The following GAN variants were observed in gnomAD, a reference collection of about 807,000 sequenced individuals.
GAN encodes the protein gigaxonin.
A neutral mutation model predicts 71.3 loss-of-function variants in GAN; 48 were observed. The observed-to-expected ratio is 0.67, with a 90% CI of 0.53 to 0.86. The LOEUF (loss-of-function observed/expected upper bound fraction) is 0.86. Among genes scored for constraint, GAN ranks in the 40% least tolerant of loss-of-function variants. The pLI, the probability that GAN is intolerant of heterozygous loss-of-function variation, is 0.00. For missense variants in GAN, 928 were observed against 770.1 expected (o/e 1.21, Z -2.43); for synonymous variants, 386 against 276.8 (o/e 1.39, Z -3.92).
intron 9 of GAN, among the ~76,000 whole-genome samples, chr16:81,366,364 C>G (rs954410373): frequency 6.6e-6 from 1 of 152,218 alleles, no homozygotes; most frequent in Non-Finnish European, 1.5e-5. Context: ...CCACGTATGT[C>G]TTGTAGGGTA....
At chr16:81,346,368 A>G (rs569116243) in intron 1 of GAN, among the ~76,000 whole-genome samples, 107 of 152,284 alleles carry the variant, frequency 7.0e-4, no homozygotes, top group Admixed American at 2.2e-3. Flanking sequence ...CTTGTTGGAA[A>G]TCTGTCTTCT....
rs1247782225 is a variant in GAN at position 81,381,818 on chromosome 16, T to C, written c.*4222T>C. 6.6e-6 allele frequency: 1 copy of C among 152,206 alleles called. No individual in the cohort carries two copies. The highest frequency in any genetic ancestry group is 1.9e-4 in the East Asian group (1 of 5,194). 9.4% of individuals were successfully genotyped at this position (152,206 alleles called of 1,614,324 possible). ...AAGGGCACTCCAAGAGTGACTGATT[T>C]TACTGGGTTTTCAGTGAGAAACTTT... is the stretch of plus-strand genomic sequence containing the variant. On this transcript the variant is annotated 3_prime_UTR_variant, in exon 11 of 11. Transcript: ENST00000648994.
At position 81,315,026 on chromosome 16, in the gene GAN, G is replaced by A. The variant is rs1567475633; in HGVS notation, c.-88G>A. 1 of 1,138,702 alleles carries A rather than the reference G, an allele frequency of 8.8e-7. No individual in the cohort carries two copies. The highest frequency in any genetic ancestry group is 2.2e-5 in the South Asian group (1 of 46,468). The allele number at this position is 1,138,702 out of a possible 1,614,324, so 70.5% of individuals were successfully genotyped here. A position where few individuals can be genotyped will look rare whatever the true frequency, so the allele number is the denominator to read the frequency against. On this transcript the variant is annotated 5_prime_UTR_variant, in exon 1 of 11. Transcript: ENST00000648994. ...CAGAGCGCGGAGAGCCGGGCCGGGC[G>A]GGCGCGCGCGCAGGACTCGGGCCGC...
At chr16:81,367,123 T>TG (rs1910885252) in intron 9 of GAN, among the ~76,000 whole-genome samples, 2 of 152,196 alleles carry the variant, frequency 1.3e-5, no homozygotes, top group Non-Finnish European at 2.9e-5. Flanking sequence ...GCACCTGGCC[T>TG]ATCAGGTTGT....
In GAN at chr16:81,319,887, C is replaced by G. The variant is rs528321844; in HGVS notation, c.167+4607C>G. ...CCCTTTAAGTCTAAGTTATGTAGCT[C>G]TATGCTATTTTTGTTTTGCCTCATG... On this transcript the variant is annotated intron_variant, in intron 1 of 10. Coordinates refer to ENST00000648994, the MANE Select transcript of GAN (RefSeq NM_022041.4). Among the ~76,000 whole-genome samples, 7 of 152,116 alleles carry G rather than the reference C, an allele frequency of 4.6e-5. No individual in the cohort carries two copies. The East Asian group carries it at 1.2e-3, about 25-fold the overall frequency.
Position 81,377,560 on chromosome 16 carries a change from G to C in GAN, c.1758G>C (p.Gln586His). 8 of 1,614,204 alleles carry C rather than the reference G, an allele frequency of 5.0e-6. No individual in the cohort carries two copies. Among genetic ancestry groups the C allele is most frequent in the Non-Finnish European group, 6.8e-6 (8 of 1,180,026 alleles). The change falls in exon 11 of 11, where the codon CAG (glutamine) becomes CAC (histidine). Residue 586 changes from glutamine (Q) to histidine (H), a missense_variant. Gln to His is a conservative substitution (Grantham distance 24, BLOSUM62 0). Coordinates refer to ENST00000648994, the MANE Select transcript of GAN (RefSeq NM_022041.4). ...ANCKLFRLQLQQGLFRIRVHS... is the reference protein window; with the variant it reads ...ANCKLFRLQLHQGLFRIRVHS... ...GCAAGCTTTTCCGCCTGCAGCTTCAGCAAGGCTTATTCCGTATTCGTGTTC... is the reference window on the plus strand; with the variant it reads ...GCAAGCTTTTCCGCCTGCAGCTTCACCAAGGCTTATTCCGTATTCGTGTTC...
chr16:81,315,319 G>T (rs770243152), intron 1 of GAN, 39 bp downstream of exon 1: 2 of 1,382,660 alleles, frequency 1.4e-6, no homozygotes, highest in Non-Finnish European at 1.9e-6. Flanking sequence ...CGGCGGTGCT[G>T]CCCGGAGCCG....
At chr16:81,361,111 G>T (rs537166811) in intron 5 of GAN, among the ~76,000 whole-genome samples, 1 of 152,108 alleles carries the variant, frequency 6.6e-6, no homozygotes, top group South Asian at 2.1e-4. Flanking sequence ...TGTAATCCCA[G>T]ATATTCAGGA....
At chr16:81,366,863 C>T (rs923930146) in intron 9 of GAN, among the ~76,000 whole-genome samples, 1 of 151,924 alleles carries the variant, frequency 6.6e-6, no homozygotes, top group Non-Finnish European at 1.5e-5. Flanking sequence ...CTCGCTCTGT[C>T]GCCCGGGCTA....
intron 1 of GAN, among the ~76,000 whole-genome samples, chr16:81,336,968 G>A (rs1909785020): frequency 1.3e-5 from 2 of 152,098 alleles, no homozygotes; most frequent in Middle Eastern, 3.4e-3. Flanking sequence ...TGTAGTTGAC[G>A]TCAGGGTTCA....
At chr16:81,329,366 C>A (rs1364001882) in intron 1 of GAN, among the ~76,000 whole-genome samples, 1 of 152,068 alleles carries the variant, frequency 6.6e-6, no homozygotes, top group Non-Finnish European at 1.5e-5. Flanking sequence ...TCAAATGTGG[C>A]CAAATAAACT....
Position 81,377,654 on chromosome 16 carries a change from A to G in GAN, c.*58A>G. 6.8e-7 allele frequency: 1 copy of G among 1,468,000 alleles called. No individual in the cohort carries two copies. Among genetic ancestry groups the G allele is most frequent in the African/African-American group, 1.4e-5 (1 of 72,224 alleles). 90.9% of individuals were successfully genotyped at this position (1,468,000 alleles called of 1,614,324 possible). ...CCAAGAGCACCATAACATAGCTCCGAAAGGGAGAGCAGAGATGGCAGCTGA... is the reference window on the plus strand; with the variant it reads ...CCAAGAGCACCATAACATAGCTCCGGAAGGGAGAGCAGAGATGGCAGCTGA... On this transcript the variant is annotated 3_prime_UTR_variant, in exon 11 of 11. Transcript: ENST00000648994.
rs2150701840 is a variant in GAN at position 81,382,664 on chromosome 16, A to G, written c.*5068A>G. 2 of 152,336 alleles carry G rather than the reference A, an allele frequency of 1.3e-5. No homozygotes were observed. Among genetic ancestry groups the G allele is most frequent in the South Asian group, 4.1e-4 (2 of 4,824 alleles). The allele number at this position is 152,336 out of a possible 1,614,324, so 9.4% of individuals were successfully genotyped here. A position where few individuals can be genotyped will look rare whatever the true frequency, so the allele number is the denominator to read the frequency against. ...TACAGAAATTCATAGTATAAGGATG[A>G]GAAGGGGCCCATTTGCCCATATTTG... is the stretch of plus-strand genomic sequence containing the variant. On this transcript the variant is annotated 3_prime_UTR_variant, in exon 11 of 11. Coordinates refer to ENST00000648994, the MANE Select transcript of GAN (RefSeq NM_022041.4).
chr16:81,354,047 T>C lies in GAN; in HGVS notation c.283-358T>C, dbSNP rs141678674. Among the ~76,000 whole-genome samples, 4 of 152,288 alleles carry C rather than the reference T, an allele frequency of 2.6e-5. No homozygotes were observed. The East Asian group carries it at 7.7e-4, about 29-fold the overall frequency. ...ATGCTGGTACTTAATCATGTTGACT[T>C]TACCATAGAATGTAGAACTTTCCAT... On this transcript the variant is annotated intron_variant, in intron 2 of 10. Coordinates refer to ENST00000648994, the MANE Select transcript of GAN (RefSeq NM_022041.4).
chr16:81,372,727 G>A (rs994077891), intron 9 of GAN, among the ~76,000 whole-genome samples: 3 of 152,174 alleles, frequency 2.0e-5, no homozygotes, highest in Non-Finnish European at 4.4e-5. Flanking sequence ...TTCAGAATCT[G>A]GGAAGAACTT....
intron 1 of GAN, among the ~76,000 whole-genome samples, chr16:81,318,367 A>G (rs1281323903): frequency 1.3e-5 from 2 of 152,204 alleles, no homozygotes; most frequent in Middle Eastern, 3.2e-3. Flanking sequence ...TGTGTGGTTT[A>G]GAAGCAGTGG....
At chr16:81,332,373 C>G (rs1205340319) in intron 1 of GAN, among the ~76,000 whole-genome samples, 1 of 152,202 alleles carries the variant, frequency 6.6e-6, no homozygotes, top group East Asian at 1.9e-4. Flanking sequence ...GAGCTATGTG[C>G]CCTAAGTGCT....
rs1904359542 is a variant in GAN at position 81,385,021 on chromosome 16, C to G, written c.*7425C>G. ...AAAGAGTTATGCCCATTTCTAAAAG[C>G]CTGGCATATTTGGTATAACTTAAGC... On this transcript the variant is annotated 3_prime_UTR_variant, in exon 11 of 11. Transcript: ENST00000648994. The G allele has an allele frequency of 1.3e-5, 2 of 154,264 alleles. No individual in the cohort carries two copies. The highest frequency in any genetic ancestry group is 2.9e-5 in the Non-Finnish European group (2 of 68,212). 9.6% of individuals were successfully genotyped at this position (154,264 alleles called of 1,614,324 possible).
At chr16:81,343,721 C>T (rs1463000804) in intron 1 of GAN, among the ~76,000 whole-genome samples, 1 of 152,114 alleles carries the variant, frequency 6.6e-6, no homozygotes, top group Non-Finnish European at 1.5e-5. Context: ...ACAAGGATGC[C>T]CTCTCTCACC....
Sources: gnomAD v4.1 joint callset for allele counts (sites outside exome capture counted in the v4.1 genomes callset) on GRCh38, gnomAD v4.1.1 for gene constraint, MANE v1.5 for transcripts, NCBI Gene and HGNC (gene_info 2026-07-23, HGNC 2026-07-21) for gene names.